Variants in RRM1 observed in about 807,000 individuals in gnomAD.
RRM1 encodes ribonucleotide reductase catalytic subunit M1, also known as ribonucleoside-diphosphate reductase large subunit.
In RRM1, 19 loss-of-function variants were observed where a neutral mutation model predicts 101.5. The ratio of observed to expected loss-of-function variants is 0.19; its 90% CI spans 0.13 to 0.27. The LOEUF (loss-of-function observed/expected upper bound fraction) is 0.27, where lower values mean the gene tolerates loss of function less well. Ranked by LOEUF, RRM1 falls within the 10% of genes least tolerant of loss-of-function variation. The pLI is 1.00. For synonymous variants in RRM1, 298 were observed against 323.4 expected (o/e 0.92, Z 0.84); for missense variants, 500 against 962.9 (o/e 0.52, Z 6.36).
In RRM1 at chr11:4,132,172, T is replaced by C; in HGVS notation, c.1770-114T>C. 1 of 1,034,950 alleles carries C rather than the reference T, an allele frequency of 9.7e-7. No homozygotes were observed. The highest frequency in any genetic ancestry group is 1.5e-6 in the Non-Finnish European group (1 of 686,350). The allele number at this position is 1,034,950 out of a possible 1,614,324, so 64.1% of individuals were successfully genotyped here. ...ACGTGTGAGTTCAATGCATGTACGA[T>C]GTTACATTTACATTTACTACATTTA... On this transcript the variant is annotated intron_variant, in intron 15 of 18. Transcript: ENST00000300738. The surrounding 1 kb of genome is among the most constrained non-coding windows in gnomAD (Gnocchi z 4.1).
At chr11:4,101,009 A>G (rs1313767930) in intron 1 of RRM1, among the ~76,000 whole-genome samples, 1 of 152,222 alleles carries the variant, frequency 6.6e-6, no homozygotes, top group African/African-American at 2.4e-5. Context: ...GATATAATCT[A>G]AGTCCAAAAT....
At chr11:4,121,468 TTATAA>T in intron 9 of RRM1, 131 bp from the exon 10 acceptor site, 1 of 542,218 alleles carries the variant, frequency 1.8e-6, no homozygotes, top group Non-Finnish European at 2.9e-6. Flanking sequence ...ACTTACACTT[TTATAA>T]TACTTTTATT....
chr11:4,104,980 C>T (rs1365435610), intron 2 of RRM1, among the ~76,000 whole-genome samples: 1 of 151,954 alleles, frequency 6.6e-6, no homozygotes, highest in African/African-American at 2.4e-5. Flanking sequence ...AATGGGGAAA[C>T]CCTTATATAG....
chr11:4,104,836 TTATAC>T (rs2094556241), intron 2 of RRM1, among the ~76,000 whole-genome samples: 1 of 152,180 alleles, frequency 6.6e-6, no homozygotes, highest in Non-Finnish European at 1.5e-5. Context: ...CAGACCTAAT[TTATAC>T]TTCTGTCTCC....
intron 15 of RRM1, among the ~76,000 whole-genome samples, chr11:4,130,206 C>T (rs568151294): frequency 1.4e-4 from 21 of 149,410 alleles, no homozygotes; most frequent in Non-Finnish European, 3.0e-4. Flanking sequence ...AGCTCAAATA[C>T]AGAAATAAAA....
chr11:4,119,270 T>C (rs1461150622), intron 8 of RRM1: 1 of 156,916 alleles, frequency 6.4e-6, no homozygotes, highest in Non-Finnish European at 1.4e-5. Flanking sequence ...TGCTCACTTA[T>C]CTTTCTAGAC....
intron 7 of RRM1, among the ~76,000 whole-genome samples, chr11:4,118,113 C>G (rs145574016): frequency 6.6e-6 from 1 of 152,058 alleles, no homozygotes; most frequent in Non-Finnish European, 1.5e-5. Flanking sequence ...CTAGGGGAGG[C>G]AGCAAGATGA....
In RRM1 at chr11:4,109,649, G is replaced by C. The variant is rs2094562835; in HGVS notation, c.393G>C (p.Leu131=). 1 of 1,608,468 alleles carries C rather than the reference G, an allele frequency of 6.2e-7. No individual in the cohort carries two copies. The highest frequency in any genetic ancestry group is 8.5e-7 in the Non-Finnish European group (1 of 1,177,424). The change falls in exon 5 of 19, where the codon CTG becomes CTC. Residue 131 remains leucine (L), a synonymous_variant. Coordinates refer to ENST00000300738, the MANE Select transcript of RRM1 (RefSeq NM_001033.5). ...TTCTTTTTCACCCCTATCAGCGCCT[G>C]AATTCTGCTATTATCTATGACCGAG... The part of the protein sequence containing the change: ...LDIVLANKDR[L]NSAIIYDRDF...
intron 2 of RRM1, among the ~76,000 whole-genome samples, chr11:4,104,014 G>C (rs2094555302): frequency 1.3e-5 from 2 of 151,706 alleles, no homozygotes; most frequent in Admixed American, 1.3e-4. Context: ...GCTACTTGGT[G>C]GTGGGAGGAT....
At chr11:4,120,019 A>G in intron 9 of RRM1, 91 bp downstream of exon 9, 2 of 758,006 alleles carry the variant, frequency 2.6e-6, no homozygotes, top group South Asian at 3.2e-5. Context: ...TGTAGTTTCT[A>G]ATTACCTTTT....
intron 13 of RRM1, 24 bp from the exon 14 acceptor site, chr11:4,127,006 CCTTTT>C (rs2094590817): frequency 1.3e-6 from 2 of 1,574,896 alleles, no homozygotes; most frequent in Admixed American, 1.8e-5. Flanking sequence ...AATGTTTTCT[CCTTTT>C]CTTTAAAATC....
At chr11:4,112,333 T>C (rs1283570498) in intron 7 of RRM1, among the ~76,000 whole-genome samples, 1 of 152,182 alleles carries the variant, frequency 6.6e-6, no homozygotes, top group Non-Finnish European at 1.5e-5. Context: ...ACACTTTAAA[T>C]GGGGAATTAT....
intron 7 of RRM1, among the ~76,000 whole-genome samples, chr11:4,117,023 A>G (rs1336360499): frequency 6.6e-6 from 1 of 152,206 alleles, no homozygotes; most frequent in African/African-American, 2.4e-5. Flanking sequence ...AACATGGGCA[A>G]GGGCTATAAA....
intron 5 of RRM1, 55 bp downstream of exon 5, chr11:4,109,758 G>A: frequency 2.8e-6 from 4 of 1,428,106 alleles, no homozygotes; most frequent in Non-Finnish European, 3.9e-6. Flanking sequence ...TGAAATAAAG[G>A]ATTTTGTTTA....
upstream of RRM1, chr11:4,094,688 CT>C (rs1284893999): frequency 2.1e-5 from 10 of 469,102 alleles, no homozygotes; most frequent in African/African-American, 1.7e-4. Flanking sequence ...GCGTAGTCTT[CT>C]GGGTCTTGCC....
At chr11:4,135,397 G>A (rs2094607730) in intron 18 of RRM1, 127 bp downstream of exon 18, 2 of 673,778 alleles carry the variant, frequency 3.0e-6, no homozygotes, top group South Asian at 2.9e-5. Flanking sequence ...AATCCAGAAC[G>A]TTAAAACCAA....
chr11:4,134,234 G>T (rs2094605447), intron 17 of RRM1, among the ~76,000 whole-genome samples: 2 of 151,870 alleles, frequency 1.3e-5, no homozygotes, highest in Non-Finnish European at 2.9e-5. Context: ...GGCCTCCCAG[G>T]GTGCTAGGAT....
At chr11:4,111,304 G>A (rs1590717896) in intron 5 of RRM1, among the ~76,000 whole-genome samples, 1 of 151,984 alleles carries the variant, frequency 6.6e-6, no homozygotes, top group East Asian at 1.9e-4. Context: ...CCAGCTACTC[G>A]GTAGCCTGAG....
chr11:4,132,266 G>A lies in RRM1; in HGVS notation c.1770-20G>A. On this transcript the variant is annotated intron_variant, in intron 15 of 18. Transcript: ENST00000300738. This position sits in a 1 kb window ranked among gnomAD's most constrained non-coding sequence, Gnocchi z 4.1. ...GATTGTAGCTTTGGGACTAGTACCT[G>A]ATAATCTCCTTTTCTTTAGGTATGG... The A allele has an allele frequency of 6.2e-7, 1 of 1,613,802 alleles. No homozygotes were observed. The highest frequency in any genetic ancestry group is 8.5e-7 in the Non-Finnish European group (1 of 1,179,796).
Sources: gnomAD v4.1 joint callset for allele counts (sites outside exome capture counted in the v4.1 genomes callset) on GRCh38, gnomAD v4.1.1 for gene constraint, Gnocchi (gnomAD v3.1) non-coding constraint, MANE v1.5 for transcripts, NCBI Gene and HGNC (gene_info 2026-07-23, HGNC 2026-07-21) for gene names.